The following MACO1 variants were observed in gnomAD, a reference collection of about 807,000 sequenced individuals.
MACO1 encodes the protein macoilin.
MACO1 carries 14 observed loss-of-function variants against 78.7 expected under a neutral mutation model. That is an observed-to-expected ratio of 0.18 (90% CI 0.12 to 0.28). MACO1 has a LOEUF of 0.28. Among genes scored for constraint, MACO1 ranks in the 10% least tolerant of loss-of-function variants. MACO1 has a pLI of 1.00. For synonymous variants in MACO1, 288 were observed against 291.6 expected, an observed-to-expected ratio of 0.99 and a Z score of 0.12; for missense variants, 501 against 799.0, an observed-to-expected ratio of 0.63 and a Z score of 4.50.
In MACO1 at chr1:25,458,624, A is replaced by G. The variant is rs1235060188; in HGVS notation, c.886A>G (p.Lys296Glu). 3.1e-6 allele frequency: 5 copies of G among 1,613,976 alleles called. No homozygotes were observed. Among genetic ancestry groups the G allele is most frequent in the Non-Finnish European group, 4.2e-6 (5 of 1,180,008 alleles). Residue 296 changes from lysine to glutamate, a missense_variant, in exon 6 of 11, where the codon AAA becomes GAA. Lys to Glu is a moderately conservative substitution (Grantham distance 56). Coordinates refer to ENST00000374343, the MANE Select transcript of MACO1 (RefSeq NM_018202.6). ...IEYMENHINS[K>E]RLNNDLVGST... ...GTATATGGAAAACCATATCAATAGT[A>G]AAAGATTAAATAATGATCTTGTGGG...
intron 6 of MACO1, among the ~76,000 whole-genome samples, chr1:25,478,223 C>T (rs540661751): frequency 3.0e-4 from 46 of 152,178 alleles, no homozygotes; most frequent in African/African-American, 1.1e-3. Flanking sequence ...CTAGCCTGGG[C>T]GACAGAGCGA....
intron 6 of MACO1, among the ~76,000 whole-genome samples, chr1:25,477,635 A>G (rs1335838781): frequency 6.6e-6 from 1 of 152,168 alleles, no homozygotes; most frequent in Non-Finnish European, 1.5e-5. Context: ...AGTCACCCCT[A>G]GGTGAAGTCT....
At chr1:25,438,955 A>C (rs185996013) in intron 1 of MACO1, among the ~76,000 whole-genome samples, 2 of 152,258 alleles carry the variant, frequency 1.3e-5, no homozygotes. Flanking sequence ...GTCAAACAGA[A>C]ACCTGTTTTT....
chr1:25,456,196 T>A (rs966497962), intron 4 of MACO1, among the ~76,000 whole-genome samples: 1 of 146,050 alleles, frequency 6.8e-6, no homozygotes, highest in African/African-American at 2.6e-5. Context: ...AGGCGGAGGT[T>A]GCAGTGAGCC....
intron 5 of MACO1, among the ~76,000 whole-genome samples, chr1:25,457,604 A>G (rs1413226958): frequency 6.6e-6 from 1 of 152,196 alleles, no homozygotes; most frequent in East Asian, 1.9e-4. Flanking sequence ...TGCTTCATAT[A>G]ATGTAATGCA....
chr1:25,464,717 T>C (rs1466520641), intron 6 of MACO1, among the ~76,000 whole-genome samples: 2 of 139,216 alleles, frequency 1.4e-5, no homozygotes, highest in African/African-American at 5.4e-5. Flanking sequence ...GAGTGCAAGA[T>C]GCTATCTCAG....
intron 4 of MACO1, 121 bp from the exon 5 acceptor site, chr1:25,456,532 C>A: frequency 2.0e-6 from 2 of 1,020,140 alleles, no homozygotes; most frequent in Non-Finnish European, 1.4e-6. Flanking sequence ...ATGCTCTTCT[C>A]AACTACCATC....
chr1:25,450,756 CT>C (rs2043058333), intron 3 of MACO1, among the ~76,000 whole-genome samples: 1 of 152,146 alleles, frequency 6.6e-6, no homozygotes, highest in Non-Finnish European at 1.5e-5. Context: ...AGTGATTTTT[CT>C]TCCCACCAGT....
chr1:25,453,101 G>C (rs913908765), intron 3 of MACO1, among the ~76,000 whole-genome samples: 23 of 151,170 alleles, frequency 1.5e-4, no homozygotes, highest in Non-Finnish European at 2.7e-4. Flanking sequence ...TGCCTCCCGG[G>C]TTCAAGCGAT....
intron 3 of MACO1, among the ~76,000 whole-genome samples, chr1:25,450,450 G>C (rs2043055647): frequency 6.6e-6 from 1 of 152,122 alleles, no homozygotes; most frequent in South Asian, 2.1e-4. Context: ...TTGGCTGTCA[G>C]AGTCAAATTT....
At chr1:25,477,302 G>A (rs1056622503) in intron 6 of MACO1, among the ~76,000 whole-genome samples, 3 of 152,186 alleles carry the variant, frequency 2.0e-5, no homozygotes, top group African/African-American at 7.2e-5. Flanking sequence ...AGGTAACATA[G>A]TAAAAGGCAG....
Position 25,430,913 on chromosome 1 carries a change from C to T in MACO1, c.-186C>T. The T allele has an allele frequency of 4.3e-6, 2 of 467,064 alleles. No homozygotes were observed. The highest frequency in any genetic ancestry group is 7.6e-6 in the Non-Finnish European group (2 of 262,716). 28.9% of individuals were successfully genotyped at this position (467,064 alleles called of 1,614,324 possible). A position where few individuals can be genotyped will look rare whatever the true frequency, so the allele number is the denominator to read the frequency against. ...CCCGGAATTGTCATTTCTTTGTTTCCGAAGGCGGAGGAGGCTCCGAGCCCC... is the reference window on the plus strand; with the variant it reads ...CCCGGAATTGTCATTTCTTTGTTTCTGAAGGCGGAGGAGGCTCCGAGCCCC... On this transcript the variant is annotated 5_prime_UTR_variant, in exon 1 of 11. Transcript: ENST00000374343.
chr1:25,456,921 A>G (rs980669977), intron 5 of MACO1, 90 bp downstream of exon 5: 1 of 1,412,758 alleles, frequency 7.1e-7, no homozygotes, highest in African/African-American at 1.4e-5. Flanking sequence ...AGTAGCTAGG[A>G]TTTTGTTTTT....
chr1:25,483,110 G>A (rs1275018509), intron 6 of MACO1, among the ~76,000 whole-genome samples: 1 of 152,208 alleles, frequency 6.6e-6, no homozygotes, highest in Non-Finnish European at 1.5e-5. Context: ...GAGTGCAGTG[G>A]CATGATCTCA....
Position 25,456,955 on chromosome 1 carries a change from C to G in MACO1, c.652+124C>G, listed in dbSNP as rs1332288661. On this transcript the variant is annotated intron_variant, in intron 5 of 10. Coordinates refer to ENST00000374343, the MANE Select transcript of MACO1 (RefSeq NM_018202.6). ...TTTTCTGTCTAATGGTGTTCCTCCT[C>G]AGGGTCATTGTTTTATTTGGTCAAT... 3.2e-6 allele frequency: 3 copies of G among 939,356 alleles called. No individual in the cohort carries two copies. In the African/African-American group the frequency reaches 5.0e-5, roughly 16 times the overall value. 58.2% of individuals were successfully genotyped at this position (939,356 alleles called of 1,614,324 possible).
Position 25,456,666 on chromosome 1 carries a change from G to A in MACO1, c.487G>A (p.Val163Met). Residue 163 changes from valine (V) to methionine (M), a missense_variant, in exon 5 of 11, where the codon GTG (valine) becomes ATG (methionine). Val to Met is a conservative substitution (Grantham distance 21). Transcript: ENST00000374343. ...PFAAHCIGYP[V>M]VTLGFGFKSY... ...TCTTCTTTCTAGTATTGGGTACCCT[G>A]TGGTAACTTTGGGGTTTGGCTTCAA... is the stretch of plus-strand genomic sequence containing the variant. 1 of 1,613,552 alleles carries A rather than the reference G, an allele frequency of 6.2e-7. No homozygotes were observed.
At chr1:25,439,272 T>TGTCA (rs1484713187) in intron 1 of MACO1, among the ~76,000 whole-genome samples, 23 of 152,126 alleles carry the variant, frequency 1.5e-4, no homozygotes, top group Admixed American at 1.5e-3. Context: ...GGCTCTTGCC[T>TGTCA]GTCACCCTTG....
chr1:25,472,807 C>T (rs936938568), intron 6 of MACO1, among the ~76,000 whole-genome samples: 5 of 152,138 alleles, frequency 3.3e-5, no homozygotes, highest in Non-Finnish European at 5.9e-5. Context: ...TGAGTGATGG[C>T]GACCACAGCC....
At chr1:25,465,211 G>A (rs113876796) in intron 6 of MACO1, among the ~76,000 whole-genome samples, 6 of 152,308 alleles carry the variant, frequency 3.9e-5, no homozygotes, top group African/African-American at 1.4e-4. Flanking sequence ...TTCACCTGCT[G>A]TAGGACATCT....
Sources: allele counts gnomAD v4.1 joint callset (sites outside exome capture counted in the v4.1 genomes callset), GRCh38; gene constraint gnomAD v4.1.1; transcripts MANE v1.5; gene names NCBI Gene and HGNC (gene_info 2026-07-23, HGNC 2026-07-21).